The following IBTK variants were observed in gnomAD, a reference collection of about 807,000 sequenced individuals.
IBTK encodes the protein inhibitor of Bruton tyrosine kinase, also known as BTK-binding protein.
A neutral mutation model predicts 154.9 loss-of-function variants in IBTK; 83 were observed. The observed-to-expected ratio is 0.54, with a 90% CI of 0.45 to 0.64. The LOEUF is 0.64. IBTK is among the 30% of genes least tolerant of loss of function. The probability of loss-of-function intolerance (pLI) is 0.00; values close to 1 mark genes in which losing one functional copy is unlikely to be tolerated. For synonymous variants in IBTK, 515 were observed against 536.1 expected, an observed-to-expected ratio of 0.96 and a Z score of 0.54; for missense variants, 1,332 against 1,584.6, an observed-to-expected ratio of 0.84 and a Z score of 2.71.
rs781228691 is a variant in IBTK at position 82,231,865 on chromosome 6, T to C, written c.419-23A>G. On this transcript the variant is annotated intron_variant, in intron 3 of 28. Transcript: ENST00000306270. ...GATCTAAAATAAAAATTAGTTTTTA[T>C]ACTTTTTTATATTTTAAAACACATA... 1.1e-5 allele frequency: 16 copies of C among 1,393,436 alleles called. No individual in the cohort carries two copies. In the South Asian group the frequency reaches 1.9e-4, roughly 16 times the overall value. The allele number at this position is 1,393,436 out of a possible 1,614,324, so 86.3% of individuals were successfully genotyped here.
Position 82,173,453 on chromosome 6 carries a change from C to G in IBTK, c.3726-15G>C. 3.1e-6 allele frequency: 5 copies of G among 1,606,002 alleles called. No individual in the cohort carries two copies. The highest frequency in any genetic ancestry group is 4.3e-6 in the Non-Finnish European group (5 of 1,173,464). On this transcript the variant is annotated splice_polypyrimidine_tract_variant and intron_variant, in intron 26 of 28. Coordinates refer to ENST00000306270, the MANE Select transcript of IBTK (RefSeq NM_015525.4). ...GGGTAGAGCATCTGCAAAACAAATG[C>G]CAAAATTAAAGATTAAAGCTTCTAG...
Position 82,204,974 on chromosome 6 carries a change from A to C in IBTK, c.2510-16T>G. 3 of 1,521,334 alleles carry C rather than the reference A, an allele frequency of 2.0e-6. No homozygotes were observed. Among genetic ancestry groups the C allele is most frequent in the Non-Finnish European group, 1.8e-6 (2 of 1,109,768 alleles). 94.2% of individuals were successfully genotyped at this position (1,521,334 alleles called of 1,614,324 possible). On this transcript the variant is annotated splice_polypyrimidine_tract_variant and intron_variant, in intron 16 of 28. Transcript: ENST00000306270. ...TTTTGAGATTCTAAAAAAAGAAAGAAAACAAGCATCACTTTTTCTTTGTAT... is the reference window on the plus strand; with the variant it reads ...TTTTGAGATTCTAAAAAAAGAAAGACAACAAGCATCACTTTTTCTTTGTAT...
At chr6:82,211,259 A>C in intron 15 of IBTK, 108 bp downstream of exon 15, 1 of 816,474 alleles carries the variant, frequency 1.2e-6, no homozygotes, top group Non-Finnish European at 1.9e-6. Context: ...TAAATGAAAA[A>C]CTGAGCTAAA....
Position 82,230,401 on chromosome 6 carries a change from T to TTA in IBTK, c.543+1315_543+1316dup, listed in dbSNP as rs561995246. ...AGTTTGGACTTTATCCAAAGGTGAC[T>TTA]TAGTAGATAAACACATAATTAGCTC... On this transcript the variant is annotated intron_variant, in intron 4 of 28. Transcript: ENST00000306270. 2.3e-3 allele frequency among the ~76,000 whole-genome samples: 354 copies of TTA among 152,338 alleles called. 2 individuals carry two copies. Among genetic ancestry groups the TTA allele is most frequent in the African/African-American group, 7.5e-3 (310 of 41,570 alleles).
intron 25 of IBTK, among the ~76,000 whole-genome samples, chr6:82,183,387 G>A (rs1377249308): frequency 6.6e-6 from 1 of 152,050 alleles, no homozygotes; most frequent in South Asian, 2.1e-4. Context: ...TCCAGGCTGG[G>A]TGACAGAGCA....
intron 27 of IBTK, 168 bp from the exon 28 acceptor site, chr6:82,172,680 T>C (rs984602892): frequency 1.6e-5 from 9 of 579,626 alleles, no homozygotes; most frequent in African/African-American, 3.8e-5. Flanking sequence ...CTCATCTTCC[T>C]AAATTTTTGC....
intron 1 of IBTK, among the ~76,000 whole-genome samples, chr6:82,244,798 C>T: frequency 6.6e-6 from 1 of 151,918 alleles, no homozygotes; most frequent in Non-Finnish European, 1.5e-5. Context: ...TTACATCAGA[C>T]CAGTCAAGTA....
At chr6:82,199,848 G>A (rs1769134904) in intron 21 of IBTK, among the ~76,000 whole-genome samples, 1 of 152,106 alleles carries the variant, frequency 6.6e-6, no homozygotes, top group Non-Finnish European at 1.5e-5. Flanking sequence ...CTAAGCTTGG[G>A]AACACATTGC....
At chr6:82,224,729 T>C (rs1047697148) in intron 6 of IBTK, among the ~76,000 whole-genome samples, 4 of 152,360 alleles carry the variant, frequency 2.6e-5, no homozygotes, top group African/African-American at 9.6e-5. Flanking sequence ...GTGATATCTG[T>C]GCAGAGGCAG....
At chr6:82,173,489 C>CA in intron 26 of IBTK, 51 bp from the exon 27 acceptor site, 1 of 1,439,264 alleles carries the variant, frequency 6.9e-7, no homozygotes, top group Non-Finnish European at 9.8e-7. Flanking sequence ...TAATATTAGT[C>CA]AAACTGCTTA....
chr6:82,215,759 C>T (rs929139981), intron 11 of IBTK, among the ~76,000 whole-genome samples: 1 of 89,778 alleles, frequency 1.1e-5, no homozygotes, highest in Non-Finnish European at 2.0e-5. Context: ...TTAGCCTGGG[C>T]AATAGAGCAA....
chr6:82,200,373 T>G, intron 20 of IBTK, 120 bp from the exon 21 acceptor site: 1 of 781,588 alleles, frequency 1.3e-6, no homozygotes, highest in Admixed American at 2.6e-5. Context: ...ACTTTCAATG[T>G]GTTAGACCTA....
chr6:82,182,512 A>G (rs919589054), intron 25 of IBTK, among the ~76,000 whole-genome samples: 6 of 152,122 alleles, frequency 3.9e-5, no homozygotes, highest in African/African-American at 1.4e-4. Context: ...GTGAGTTATA[A>G]GATAAAATCA....
At position 82,238,472 on chromosome 6, in the gene IBTK, C is replaced by T. The variant is rs762020917; in HGVS notation, c.321+1694G>A. Among the ~76,000 whole-genome samples the T allele has an allele frequency of 6.0e-4, 91 of 152,018 alleles. 1 individual carries two copies. Among genetic ancestry groups the T allele is most frequent in the Middle Eastern group, 3.4e-3 (1 of 294 alleles). ...TTTTTTTTTGAGATGGAGTCGTCCTCGGTTGCCCAGGCTGAAGTACAATGG... is the reference window on the plus strand; with the variant it reads ...TTTTTTTTTGAGATGGAGTCGTCCTTGGTTGCCCAGGCTGAAGTACAATGG... On this transcript the variant is annotated intron_variant, in intron 2 of 28. Coordinates refer to ENST00000306270, the MANE Select transcript of IBTK (RefSeq NM_015525.4).
chr6:82,179,229 A>G (rs1481520639), intron 26 of IBTK, among the ~76,000 whole-genome samples: 1 of 152,220 alleles, frequency 6.6e-6, no homozygotes, highest in Non-Finnish European at 1.5e-5. Context: ...AAGAAAATGG[A>G]AGTGCCAAAG....
intron 21 of IBTK, among the ~76,000 whole-genome samples, chr6:82,197,384 T>TTTTTTTTTC (rs1769035541): frequency 6.6e-6 from 1 of 151,158 alleles, no homozygotes; most frequent in Non-Finnish European, 1.5e-5. Flanking sequence ...TTTTTTTTTT[T>TTTTTTTTTC]TTTTGAGACA....
chr6:82,181,865 G>C lies in IBTK; in HGVS notation c.3725+14C>G, dbSNP rs746622119. 1 of 1,527,324 alleles carries C rather than the reference G, an allele frequency of 6.5e-7. No individual in the cohort carries two copies. The highest frequency in any genetic ancestry group is 8.8e-7 in the Non-Finnish European group (1 of 1,131,996). 94.6% of individuals were successfully genotyped at this position (1,527,324 alleles called of 1,614,324 possible). A position where few individuals can be genotyped will look rare whatever the true frequency, so the allele number is the denominator to read the frequency against. ...AAGGTAGAAAATGTATTAGTTTTAA[G>C]TTTGTTTTATTACCTGACAATTTTT... On this transcript the variant is annotated intron_variant, in intron 26 of 28. Coordinates refer to ENST00000306270, the MANE Select transcript of IBTK (RefSeq NM_015525.4).
chr6:82,200,174 G>A lies in IBTK; in HGVS notation c.2992C>T (p.Leu998Phe). ...GATGGACTCTGAATAATATCTGAAA[G>A]GTTATAACCTCCAGAACTATCTGAA... ...KRSDSSGGYN[L>F]SDIIQSPSST... Residue 998 changes from leucine (L) to phenylalanine (F), a missense_variant, in exon 21 of 29, where the codon CTT becomes TTT. Around this residue, in one of 3 missense-constraint regions of IBTK, gnomAD observed 1,134 missense variants for 1,274.7 expected, o/e 0.89. Coordinates refer to ENST00000306270, the MANE Select transcript of IBTK (RefSeq NM_015525.4). 1 of 1,612,324 alleles carries A rather than the reference G, an allele frequency of 6.2e-7. No individual in the cohort carries two copies. The highest frequency in any genetic ancestry group is 1.7e-4 in the Middle Eastern group (1 of 6,056).
At chr6:82,229,328 A>G (rs1278541124) in intron 4 of IBTK, among the ~76,000 whole-genome samples, 2 of 152,148 alleles carry the variant, frequency 1.3e-5, no homozygotes, top group African/African-American at 4.8e-5. Flanking sequence ...ATATGCTCAA[A>G]TATTCCAAAC....
Sources: gnomAD v4.1 joint callset for allele counts (sites outside exome capture counted in the v4.1 genomes callset) on GRCh38, gnomAD v4.1.1 for gene constraint, gnomAD v4.1.1 regional missense constraint, MANE v1.5 for transcripts, NCBI Gene and HGNC (gene_info 2026-07-23, HGNC 2026-07-21) for gene names.